The following SLC39A8 variants were observed in gnomAD, a reference collection of about 807,000 sequenced individuals.
SLC39A8 encodes solute carrier family 39 member 8.
Under a neutral mutation model 40.4 loss-of-function variants are expected in SLC39A8, and 15 were observed. The observed-to-expected ratio is 0.37, with a 90% confidence interval of 0.25 to 0.57. SLC39A8 has a LOEUF of 0.57. Among genes scored for constraint, SLC39A8 ranks in the 20% least tolerant of loss-of-function variants. The probability of loss-of-function intolerance (pLI) is 0.75; values close to 1 mark genes in which losing one functional copy is unlikely to be tolerated. For missense variants in SLC39A8, 472 were observed against 558.8 expected (o/e 0.84, Z 1.57); for synonymous variants, 223 against 221.6 (o/e 1.01, Z -0.06).
At chr4:102,327,575 T>C (rs1735271360) in intron 2 of SLC39A8, among the ~76,000 whole-genome samples, 2 of 152,244 alleles carry the variant, frequency 1.3e-5, no homozygotes, top group Non-Finnish European at 2.9e-5. Context: ...GACATCCCTG[T>C]TATCTATTTG....
At chr4:102,338,868 T>A (rs1056853426) in intron 2 of SLC39A8, among the ~76,000 whole-genome samples, 1 of 152,130 alleles carries the variant, frequency 6.6e-6, no homozygotes, top group African/African-American at 2.4e-5. Flanking sequence ...ATAATACAAA[T>A]AAATTGGTTA....
downstream of SLC39A8, among the ~76,000 whole-genome samples, chr4:102,257,664 C>G (rs1170027674): frequency 2.0e-5 from 3 of 152,100 alleles, no homozygotes; most frequent in African/African-American, 7.2e-5. Flanking sequence ...AGAGTGGATC[C>G]CCATCCTGTA....
Position 102,262,253 on chromosome 4 carries a change from G to T in SLC39A8, c.*791C>A. 1.0e-6 allele frequency: 1 copy of T among 985,730 alleles called. No individual in the cohort carries two copies. The highest frequency in any genetic ancestry group is 1.2e-6 in the Non-Finnish European group (1 of 829,880). 61.1% of individuals were successfully genotyped at this position (985,730 alleles called of 1,614,324 possible). A position where few individuals can be genotyped will look rare whatever the true frequency, so the allele number is the denominator to read the frequency against. ...CTTCACCTTCACAAAGCAAACACAT[G>T]GTGCACTGAAACCGAGGTGTTACCA... On this transcript the variant is annotated 3_prime_UTR_variant, in exon 9 of 9. Transcript: ENST00000356736.
At chr4:102,293,385 C>A (rs1733536521) in intron 6 of SLC39A8, among the ~76,000 whole-genome samples, 1 of 151,914 alleles carries the variant, frequency 6.6e-6, no homozygotes, top group Admixed American at 6.6e-5. Flanking sequence ...CCTACGAGCC[C>A]TTGCCAATAA....
At chr4:102,324,876 C>T (rs1342039015) in intron 2 of SLC39A8, among the ~76,000 whole-genome samples, 1 of 152,110 alleles carries the variant, frequency 6.6e-6, no homozygotes, top group Non-Finnish European at 1.5e-5. Flanking sequence ...AGTGAACCGT[C>T]CCATTAATTT....
downstream of SLC39A8, among the ~76,000 whole-genome samples, chr4:102,261,179 A>G (rs1379365774): frequency 6.6e-6 from 1 of 152,200 alleles, no homozygotes; most frequent in Non-Finnish European, 1.5e-5. Flanking sequence ...ACCGTAATGG[A>G]CCTTAAATGA....
chr4:102,305,292 T>C (rs1734121103), intron 4 of SLC39A8, among the ~76,000 whole-genome samples, 181 bp from the exon 5 acceptor site: 1 of 151,936 alleles, frequency 6.6e-6, no homozygotes. Flanking sequence ...GACAAAACTG[T>C]ATGAGATGGC....
At chr4:102,324,113 C>A (rs1025821053) in intron 2 of SLC39A8, 1 of 154,836 alleles carries the variant, frequency 6.5e-6, no homozygotes, top group African/African-American at 2.4e-5. Context: ...ATAAAAAAGT[C>A]CGGCCAGCTG....
At chr4:102,292,847 CTT>C (rs1393146689) in intron 6 of SLC39A8, among the ~76,000 whole-genome samples, 1 of 152,022 alleles carries the variant, frequency 6.6e-6, no homozygotes, top group African/African-American at 2.4e-5. Flanking sequence ...TTAGTCATAA[CTT>C]TAAAAATATT....
intron 6 of SLC39A8, among the ~76,000 whole-genome samples, chr4:102,269,551 G>A (rs757558723): frequency 3.3e-5 from 5 of 152,106 alleles, no homozygotes; most frequent in Admixed American, 6.6e-5. Context: ...TTCAAATACC[G>A]AATTCATTTG....
chr4:102,294,080 T>C (rs1733582313), intron 6 of SLC39A8, among the ~76,000 whole-genome samples: 1 of 151,762 alleles, frequency 6.6e-6, no homozygotes, highest in Non-Finnish European at 1.5e-5. Context: ...CAAAAATAAA[T>C]TAAACTTAAA....
intron 6 of SLC39A8, among the ~76,000 whole-genome samples, chr4:102,287,254 T>G (rs967830524): frequency 2.0e-5 from 3 of 152,116 alleles, no homozygotes; most frequent in Non-Finnish European, 4.4e-5. Context: ...ATGCAAAATT[T>G]GGTAGGTCTG....
intron 11 of SLC39A8, among the ~76,000 whole-genome samples, chr4:102,255,405 A>G (rs755820234): frequency 2.0e-5 from 3 of 151,916 alleles, no homozygotes; most frequent in Non-Finnish European, 2.9e-5. Context: ...AGACAACACA[A>G]CTCTCTCCAA....
chr4:102,304,564 T>A, intron 5 of SLC39A8, 83 bp from the exon 6 acceptor site: 1 of 1,143,682 alleles, frequency 8.7e-7, no homozygotes, highest in Admixed American at 2.5e-5. Flanking sequence ...TACTGCTTTT[T>A]ATTTATAAGA....
intron 6 of SLC39A8, among the ~76,000 whole-genome samples, chr4:102,283,689 C>T (rs901601057): frequency 6.6e-6 from 1 of 152,156 alleles, no homozygotes; most frequent in African/African-American, 2.4e-5. Flanking sequence ...CTGACTGACC[C>T]GTTCTTAGTT....
chr4:102,330,982 T>G (rs1052711818), intron 2 of SLC39A8, among the ~76,000 whole-genome samples: 1 of 152,226 alleles, frequency 6.6e-6, no homozygotes, highest in African/African-American at 2.4e-5. Flanking sequence ...CACCACTTCA[T>G]GCTAAAAACG....
chr4:102,295,340 C>T (rs1733636418), intron 6 of SLC39A8, among the ~76,000 whole-genome samples: 1 of 151,846 alleles, frequency 6.6e-6, no homozygotes. Context: ...CACAAAAATG[C>T]TGACTATTTA....
At chr4:102,333,037 G>T (rs955304423) in intron 2 of SLC39A8, among the ~76,000 whole-genome samples, 4 of 152,252 alleles carry the variant, frequency 2.6e-5, no homozygotes, top group Non-Finnish European at 5.9e-5. Context: ...GCTAGGGGAG[G>T]TATAGCATTA....
chr4:102,333,841 A>G (rs17032527), intron 2 of SLC39A8, among the ~76,000 whole-genome samples: 1,940 of 152,156 alleles, frequency 0.013, 49 homozygotes, highest in African/African-American at 0.045. Flanking sequence ...CGAGATGGAA[A>G]CCTGAGGAGC....
Sources: allele counts gnomAD v4.1 joint callset (sites outside exome capture counted in the v4.1 genomes callset), GRCh38; gene constraint gnomAD v4.1.1; transcripts MANE v1.5; gene names NCBI Gene and HGNC (gene_info 2026-07-23, HGNC 2026-07-21).